TGFBR3: variants seen among roughly 807,000 people sequenced by gnomAD.
TGFBR3 encodes the protein transforming growth factor beta receptor type 3.
TGFBR3 carries 46 observed loss-of-function variants against 87.9 expected under a neutral mutation model. That is an observed-to-expected ratio of 0.52 (90% CI 0.41 to 0.67). TGFBR3 has a LOEUF of 0.67. Among genes scored for constraint, TGFBR3 ranks in the 30% least tolerant of loss-of-function variants. The pLI, the probability that TGFBR3 is intolerant of heterozygous loss-of-function variation, is 0.00. For missense variants in TGFBR3, 866 were observed against 1,041.9 expected, an observed-to-expected ratio of 0.83 and a Z score of 2.32; for synonymous variants, 381 against 391.6, an observed-to-expected ratio of 0.97 and a Z score of 0.32.
At chr1:91,768,083 A>G (rs1013526522) in intron 3 of TGFBR3, among the ~76,000 whole-genome samples, 3 of 152,026 alleles carry the variant, frequency 2.0e-5, no homozygotes, top group Admixed American at 6.6e-5. Flanking sequence ...GTGGTGGCGC[A>G]TGCCTGTAAT....
At chr1:91,727,533 G>T in intron 7 of TGFBR3, 126 bp downstream of exon 7, 1 of 1,289,368 alleles carries the variant, frequency 7.8e-7, no homozygotes, top group Non-Finnish European at 1.1e-6. Flanking sequence ...TTTGCAAAGT[G>T]AAAAATAATT....
chr1:91,787,957 C>A (rs1002232869), intron 3 of TGFBR3, among the ~76,000 whole-genome samples: 260 of 136,154 alleles, frequency 1.9e-3, no homozygotes, highest in African/African-American at 3.5e-3. Context: ...AAAAAAAAAA[C>A]CCCAAGAAGA....
chr1:91,887,157 ATAC>A (rs1396563650), upstream of TGFBR3, among the ~76,000 whole-genome samples: 1 of 151,288 alleles, frequency 6.6e-6, no homozygotes, highest in Non-Finnish European at 1.5e-5. Flanking sequence ...CTAACGGCTA[ATAC>A]CCGTCAAGGC....
intron 4 of TGFBR3, among the ~76,000 whole-genome samples, chr1:91,740,457 C>T (rs368689016): frequency 5.3e-5 from 8 of 151,864 alleles, no homozygotes; most frequent in East Asian, 1.9e-4. Flanking sequence ...CTCCACCTCA[C>T]GGGTTCAATT....
intron 1 of TGFBR3, among the ~76,000 whole-genome samples, chr1:91,872,199 T>C (rs1678607611): frequency 6.6e-6 from 1 of 152,208 alleles, no homozygotes; most frequent in Admixed American, 6.5e-5. Context: ...GGCAAATTCC[T>C]CTAACTTTAC....
chr1:91,774,206 C>T (rs753743907), intron 3 of TGFBR3, among the ~76,000 whole-genome samples: 14 of 151,794 alleles, frequency 9.2e-5, no homozygotes, highest in Non-Finnish European at 1.8e-4. Flanking sequence ...GGCACGATCT[C>T]GGCTCACTGC....
intron 1 of TGFBR3, among the ~76,000 whole-genome samples, chr1:91,905,614 A>C (rs1220619277): frequency 1.3e-5 from 2 of 151,626 alleles, no homozygotes; most frequent in African/African-American, 2.4e-5. Flanking sequence ...TTGTATTTTT[A>C]GTAGAGACGG....
intron 1 of TGFBR3, among the ~76,000 whole-genome samples, chr1:91,873,410 G>A (rs1187810568): frequency 6.7e-6 from 1 of 148,832 alleles, no homozygotes; most frequent in Non-Finnish European, 1.5e-5. Context: ...TGCCTCCCAA[G>A]TAGCTGGGAT....
chr1:91,837,723 TATAC>T (rs1228865310), intron 2 of TGFBR3, among the ~76,000 whole-genome samples: 1 of 152,220 alleles, frequency 6.6e-6, no homozygotes, highest in Non-Finnish European at 1.5e-5. Context: ...AAATTTGTGA[TATAC>T]ATAAATTGAC....
chr1:91,693,880 C>T (rs112555640), intron 16 of TGFBR3, among the ~76,000 whole-genome samples: 3,021 of 152,274 alleles, frequency 0.02, 90 homozygotes, highest in African/African-American at 0.068. Flanking sequence ...GACAAAATTA[C>T]TTACTTTAAA....
intron 1 of TGFBR3, among the ~76,000 whole-genome samples, chr1:91,902,160 G>A (rs1679734541): frequency 1.3e-5 from 2 of 151,984 alleles, no homozygotes; most frequent in Non-Finnish European, 2.9e-5. Context: ...TTAATAAATG[G>A]TTAGCTGAAA....
At chr1:91,880,554 C>T (rs1440929422) in intron 1 of TGFBR3, among the ~76,000 whole-genome samples, 3 of 151,994 alleles carry the variant, frequency 2.0e-5, no homozygotes, top group South Asian at 2.1e-4. Flanking sequence ...GCCGAGATCG[C>T]GCCACTGCAC....
intron 4 of TGFBR3, among the ~76,000 whole-genome samples, chr1:91,740,469 A>G (rs149999796): frequency 0.019 from 2,861 of 151,186 alleles, 87 homozygotes; most frequent in African/African-American, 0.066. Context: ...GGTTCAATTG[A>G]TTCTCCTGCC....
intron 4 of TGFBR3, among the ~76,000 whole-genome samples, chr1:91,751,098 GATGA>G (rs1241514738): frequency 1.3e-5 from 2 of 152,116 alleles, no homozygotes; most frequent in Non-Finnish European, 2.9e-5. Context: ...CTGTGTGTTG[GATGA>G]ATGAACAAGC....
chr1:91,855,389 C>T (rs1246533718), intron 2 of TGFBR3, among the ~76,000 whole-genome samples: 1 of 152,176 alleles, frequency 6.6e-6, no homozygotes, highest in Non-Finnish European at 1.5e-5. Context: ...ATAACTCCAG[C>T]CCTTCCAATA....
chr1:91,751,358 C>A (rs552243490), intron 4 of TGFBR3, among the ~76,000 whole-genome samples: 2 of 152,298 alleles, frequency 1.3e-5, no homozygotes, highest in South Asian at 4.1e-4. Context: ...CTCAGTTACA[C>A]ATCACTTGGC....
At chr1:91,873,626 G>C (rs139488120) in intron 1 of TGFBR3, among the ~76,000 whole-genome samples, 3 of 152,026 alleles carry the variant, frequency 2.0e-5, no homozygotes, top group Non-Finnish European at 2.9e-5. Flanking sequence ...AATGCCCTGA[G>C]TGCACCTATA....
At chr1:91,688,834 T>G (rs1671180406) in intron 16 of TGFBR3, among the ~76,000 whole-genome samples, 1 of 151,854 alleles carries the variant, frequency 6.6e-6, no homozygotes, top group Non-Finnish European at 1.5e-5. Context: ...GGCCTGAGGT[T>G]TCTCCAGGTT....
In TGFBR3 at chr1:91,683,118, AT is replaced by A. The variant is rs1557653779; in HGVS notation, c.*620del. 2.2e-6 allele frequency: 1 copy of A among 454,540 alleles called. No individual in the cohort carries two copies. The highest frequency in any genetic ancestry group is 6.9e-5 in the East Asian group (1 of 14,390). 28.2% of individuals were successfully genotyped at this position (454,540 alleles called of 1,614,324 possible). A position where few individuals can be genotyped will look rare whatever the true frequency, so the allele number is the denominator to read the frequency against. On this transcript the variant is annotated 3_prime_UTR_variant, in exon 17 of 17. Coordinates refer to ENST00000212355, the MANE Select transcript of TGFBR3 (RefSeq NM_003243.5). ...TTTTGGCCCAGGGCACAAGAAAGGA[AT>A]GTTGCCTTAACACTTGTCAGGGTGC...
Sources: allele counts gnomAD v4.1 joint callset (sites outside exome capture counted in the v4.1 genomes callset), GRCh38; gene constraint gnomAD v4.1.1; transcripts MANE v1.5; gene names NCBI Gene and HGNC (gene_info 2026-07-23, HGNC 2026-07-21).